GRTP1: variants seen among roughly 807,000 people sequenced by gnomAD.
The protein encoded by GRTP1 is growth hormone regulated TBC protein 1, also known as growth hormone-regulated TBC protein 1.
GRTP1 carries 56 observed loss-of-function variants against 38.1 expected under a neutral mutation model. The observed-to-expected ratio is 1.47, with a 90% CI of 1.19 to 1.84. The LOEUF (loss-of-function observed/expected upper bound fraction) is 1.84, where lower values mean the gene tolerates loss of function less well. Ranked by LOEUF, GRTP1 falls within the 40% of genes most tolerant of loss-of-function variation. The probability of loss-of-function intolerance (pLI) is 0.00; values close to 1 mark genes in which losing one functional copy is unlikely to be tolerated. For missense variants in GRTP1, 506 were observed against 453.9 expected (o/e 1.11, Z -1.04); for synonymous variants, 217 against 189.5 (o/e 1.14, Z -1.19).
At chr13:113,325,614 G>T in intron 7 of GRTP1, 47 bp downstream of exon 7, 1 of 1,613,668 alleles carries the variant, frequency 6.2e-7, no homozygotes, top group Non-Finnish European at 8.5e-7. Flanking sequence ...CTGCAGGTGA[G>T]GCGGGGCCCC....
At position 113,325,646 on chromosome 13, in the gene GRTP1, T is replaced by C; in HGVS notation, c.921+15A>G. 2 of 1,604,452 alleles carry C rather than the reference T, an allele frequency of 1.2e-6. No individual in the cohort carries two copies. The highest frequency in any genetic ancestry group is 1.7e-6 in the Non-Finnish European group (2 of 1,180,000). ...CCCCCTGGGAGGGGACTGAGCCACG[T>C]GCAGCCCCACACACCTGCATAAACG... On this transcript the variant is annotated intron_variant, in intron 7 of 7. Coordinates refer to ENST00000375431, the MANE Select transcript of GRTP1 (RefSeq NM_024719.4).
chr13:113,339,502 T>C (rs1378159647), intron 5 of GRTP1: 1 of 152,248 alleles, frequency 6.6e-6, no homozygotes, highest in Non-Finnish European at 1.5e-5. Context: ...CTTAAATCCA[T>C]CTGGAAATGA....
In GRTP1 at chr13:113,342,996, G is replaced by A. The variant is rs2043047050; in HGVS notation, c.562+1867C>T. Among the ~76,000 whole-genome samples the A allele has an allele frequency of 6.6e-6, 1 of 152,076 alleles. No individual in the cohort carries two copies. ...CCTCCGACCTGAGCTCTCACCTGCTGCTGCTTGAGGTCTGCCCTCCACAAA... is the reference window on the plus strand; with the variant it reads ...CCTCCGACCTGAGCTCTCACCTGCTACTGCTTGAGGTCTGCCCTCCACAAA... On this transcript the variant is annotated intron_variant, in intron 5 of 7. Coordinates refer to ENST00000375431, the MANE Select transcript of GRTP1 (RefSeq NM_024719.4). The surrounding 1 kb of genome is among the most constrained non-coding windows in gnomAD (Gnocchi z 4.5).
At chr13:113,346,604 GTGCCTGAC>G (rs1276455562) in intron 4 of GRTP1, among the ~76,000 whole-genome samples, 2 of 13,540 alleles carry the variant, frequency 1.5e-4, no homozygotes, top group African/African-American at 1.7e-4. Context: ...GAGGACCTCT[GTGCCTGAC>G]AGTGGACCCG....
chr13:113,350,794 T>C (rs1230079507), intron 4 of GRTP1, 55 bp downstream of exon 4: 39 of 1,465,970 alleles, frequency 2.7e-5, no homozygotes, highest in Non-Finnish European at 3.3e-5. Flanking sequence ...CCTGCAGCTG[T>C]GGACAGACCT....
In GRTP1 at chr13:113,341,272, T is replaced by C. The variant is rs145923639; in HGVS notation, c.562+3591A>G. The stretch of plus-strand genomic sequence containing the variant: ...GTATGTGTGTATGTATGTATGTTTG[T>C]ATATATTTATTTGAGACAGGGTCTT... On this transcript the variant is annotated intron_variant, in intron 5 of 7. Coordinates refer to ENST00000375431, the MANE Select transcript of GRTP1 (RefSeq NM_024719.4). Among the ~76,000 whole-genome samples, 950 of 152,196 alleles carry C rather than the reference T, an allele frequency of 6.2e-3. 13 individuals are homozygous for C. Among genetic ancestry groups the C allele is most frequent in the African/African-American group, 0.022 (907 of 41,520 alleles).
At position 113,326,039 on chromosome 13, in the gene GRTP1, C is replaced by T. The variant is rs1197792583; in HGVS notation, c.615G>A (p.Gly205=). The T allele has an allele frequency of 2.5e-6, 4 of 1,613,126 alleles. No homozygotes were observed. The highest frequency in any genetic ancestry group is 3.4e-6 in the Non-Finnish European group (4 of 1,179,928). The stretch of plus-strand genomic sequence containing the variant: ...CCGGCAGCTTCGCCCGCACCAGCTC[C>T]CCGAGGACCTCCTGGTCGGTCTTCA... The part of the protein sequence containing the change: ...LGLKTDQEVL[G]ELVRAKLPAV... Residue 205 remains glycine, a synonymous_variant, in exon 6 of 8, where the codon GGG becomes GGA. Transcript: ENST00000375431.
intron 5 of GRTP1, among the ~76,000 whole-genome samples, chr13:113,337,702 GACC>G (rs1419252538): frequency 6.6e-6 from 1 of 152,234 alleles, no homozygotes; most frequent in Non-Finnish European, 1.5e-5. Context: ...AGCTGTTCCT[GACC>G]CCAGAGACCA....
rs2043253591 is a variant in GRTP1 at position 113,350,898 on chromosome 13, T to C, written c.416A>G (p.Asn139Ser). 2.5e-6 allele frequency: 4 copies of C among 1,601,706 alleles called. No individual in the cohort carries two copies. Among genetic ancestry groups the C allele is most frequent in the Non-Finnish European group, 2.6e-6 (3 of 1,170,090 alleles). The change falls in exon 4 of 8, where the codon AAT becomes AGT. Residue 139 changes from asparagine to serine, a missense_variant. Physicochemically the swap from Asn to Ser is conservative, Grantham distance 46. Coordinates refer to ENST00000375431, the MANE Select transcript of GRTP1 (RefSeq NM_024719.4). ...ATGGTGCCCATATGCCAGCAGCACA[T>C]TGTACAGGGTCCTCTGTAAGCAGGG... is the stretch of plus-strand genomic sequence containing the variant. ...TDPCLQRTLY[N>S]VLLAYGHHNQ...
intron 3 of GRTP1, 189 bp downstream of exon 3, chr13:113,355,134 T>C: frequency 1.7e-6 from 1 of 588,530 alleles, no homozygotes; most frequent in Non-Finnish European, 2.9e-6. Flanking sequence ...ATCTGCTGAG[T>C]GAATTACGAT....
At chr13:113,357,214 G>A (rs868637476) in intron 2 of GRTP1, among the ~76,000 whole-genome samples, 9 of 151,906 alleles carry the variant, frequency 5.9e-5, no homozygotes, top group Admixed American at 3.3e-4. Flanking sequence ...GGAGGCCGAG[G>A]TGGGCAGATC....
chr13:113,333,464 C>T (rs1264003189), intron 5 of GRTP1, among the ~76,000 whole-genome samples: 1 of 152,182 alleles, frequency 6.6e-6, no homozygotes, highest in African/African-American at 2.4e-5. Context: ...TTCACCTCAA[C>T]AAAGATTTCT....
chr13:113,338,345 G>A (rs2042982757), intron 5 of GRTP1, among the ~76,000 whole-genome samples: 1 of 152,216 alleles, frequency 6.6e-6, no homozygotes, highest in Non-Finnish European at 1.5e-5. Context: ...GCCACGGGGA[G>A]CGTGTCCTCA....
chr13:113,364,086 G>A lies in GRTP1; in HGVS notation c.-35C>T, dbSNP rs749970147. 8.1e-7 allele frequency: 1 copy of A among 1,239,758 alleles called. No homozygotes were observed. Among genetic ancestry groups the A allele is most frequent in the Non-Finnish European group, 1.0e-6 (1 of 996,724 alleles). The allele number at this position is 1,239,758 out of a possible 1,614,324, so 76.8% of individuals were successfully genotyped here. A position where few individuals can be genotyped will look rare whatever the true frequency, so the allele number is the denominator to read the frequency against. On this transcript the variant is annotated 5_prime_UTR_variant, in exon 1 of 8. Coordinates refer to ENST00000375431, the MANE Select transcript of GRTP1 (RefSeq NM_024719.4). ...GAGGCGCGCACCGAGCGAGGCCAGC[G>A]GGTCCCAAGTTCGCCTCCCGGCTCC...
intron 5 of GRTP1, among the ~76,000 whole-genome samples, chr13:113,334,282 A>T (rs9577234): frequency 0.078 from 11,341 of 144,524 alleles, 1,299 homozygotes; most frequent in African/African-American, 0.24. Flanking sequence ...CTGCCACGAC[A>T]GCCTCCCGCC....
intron 1 of GRTP1, 39 bp downstream of exon 1, chr13:113,363,981 C>A (rs751936082): frequency 1.3e-6 from 2 of 1,520,318 alleles, no homozygotes; most frequent in Admixed American, 4.2e-5. Context: ...CGCGCGGGGA[C>A]CGCAGCCGCC....
chr13:113,351,107 G>A (rs2043258182), intron 3 of GRTP1, 134 bp from the exon 4 acceptor site: 1 of 1,109,164 alleles, frequency 9.0e-7, no homozygotes, highest in African/African-American at 1.5e-5. Context: ...CCGCACAGCA[G>A]ACTCAACACA....
chr13:113,342,855 C>T lies in GRTP1; in HGVS notation c.562+2008G>A, dbSNP rs535582548. 7.2e-5 allele frequency among the ~76,000 whole-genome samples: 11 copies of T among 152,260 alleles called. No individual in the cohort carries two copies. In the South Asian group the frequency reaches 1.2e-3, roughly 17 times the overall value. On this transcript the variant is annotated intron_variant, in intron 5 of 7. Transcript: ENST00000375431. This position sits in a 1 kb window ranked among gnomAD's most constrained non-coding sequence, Gnocchi z 4.5. Reference sequence around the variant, plus strand: ...TCCAGACCTATTTGCATTGCAGTTTCGTTCAACTTAATCTCATAATGAATA... The same window carrying T: ...TCCAGACCTATTTGCATTGCAGTTTTGTTCAACTTAATCTCATAATGAATA...
rs7330621 is a variant in GRTP1, at chr13:113,342,898, C to T, written c.562+1965G>A. On this transcript the variant is annotated intron_variant, in intron 5 of 7. Coordinates refer to ENST00000375431, the MANE Select transcript of GRTP1 (RefSeq NM_024719.4). This position sits in a 1 kb window ranked among gnomAD's most constrained non-coding sequence, Gnocchi z 4.5. ...AATGAATATCGGAAGTGACGTCGTA[C>T]GGACTGAAAACGCATCTGTCCATCA... 0.96 allele frequency among the ~76,000 whole-genome samples: 146,137 copies of T among 152,164 alleles called. 70,456 individuals are homozygous for T. The highest frequency in any genetic ancestry group is 1 in the East Asian group (5,152 of 5,152).
Sources: allele counts gnomAD v4.1 joint callset (sites outside exome capture counted in the v4.1 genomes callset), GRCh38; gene constraint gnomAD v4.1.1; non-coding constraint Gnocchi (gnomAD v3.1); transcripts MANE v1.5; gene names NCBI Gene and HGNC (gene_info 2026-07-23, HGNC 2026-07-21).